The following PLCB4 variants were observed in gnomAD, a reference collection of about 807,000 sequenced individuals.
The protein encoded by PLCB4 is phospholipase C beta 4.
In PLCB4, 77 loss-of-function variants were observed where a neutral mutation model predicts 178.8. The observed-to-expected ratio is 0.43, with a 90% CI of 0.36 to 0.52. The LOEUF (loss-of-function observed/expected upper bound fraction) is 0.52, where lower values mean the gene tolerates loss of function less well. Among genes scored for constraint, PLCB4 ranks in the 20% least tolerant of loss-of-function variants. PLCB4 has a pLI of 0.00. For synonymous variants in PLCB4, 496 were observed against 490.8 expected, an observed-to-expected ratio of 1.01 and a Z score of -0.14; for missense variants, 1,024 against 1,453.4, an observed-to-expected ratio of 0.70 and a Z score of 4.80.
chr20:9,303,096 G>C (rs368054967), intron 3 of PLCB4, among the ~76,000 whole-genome samples: 1 of 152,060 alleles, frequency 6.6e-6, no homozygotes, highest in Non-Finnish European at 1.5e-5. Context: ...GCTCCCTGTA[G>C]TTGGTTATTA....
In PLCB4 at chr20:9,468,562, A is replaced by C; in HGVS notation, c.3249-9A>C. On this transcript the variant is annotated splice_polypyrimidine_tract_variant and intron_variant, in intron 35 of 39. Transcript: ENST00000378473. ...CCTCCCTGTTTGTTTTCTTGTTTTTAATACATAGGGAAAGCAAGGAAATGC... is the reference window on the plus strand; with the variant it reads ...CCTCCCTGTTTGTTTTCTTGTTTTTCATACATAGGGAAAGCAAGGAAATGC... 6.4e-7 allele frequency: 1 copy of C among 1,554,232 alleles called. No individual in the cohort carries two copies. Among genetic ancestry groups the C allele is most frequent in the Non-Finnish European group, 8.9e-7 (1 of 1,127,538 alleles).
At chr20:9,225,014 G>C (rs1437625612) in intron 3 of PLCB4, among the ~76,000 whole-genome samples, 1 of 152,144 alleles carries the variant, frequency 6.6e-6, no homozygotes, top group Non-Finnish European at 1.5e-5. Context: ...AGCTGTGTAA[G>C]AGTTTAGGTG....
chr20:9,230,951 G>A (rs1167403136), intron 3 of PLCB4, among the ~76,000 whole-genome samples: 2 of 152,114 alleles, frequency 1.3e-5, no homozygotes, highest in African/African-American at 4.8e-5. Context: ...TTATTTGACT[G>A]TCAAAGTCCC....
intron 4 of PLCB4, among the ~76,000 whole-genome samples, chr20:9,324,174 C>CAA (rs112627020): frequency 0.057 from 7,736 of 135,096 alleles, 273 homozygotes; most frequent in South Asian, 0.13. Context: ...GGTCCTGTCT[C>CAA]AAAAAAAAAA....
chr20:9,236,437 T>A (rs1049795247), intron 3 of PLCB4, among the ~76,000 whole-genome samples: 4 of 152,190 alleles, frequency 2.6e-5, no homozygotes, highest in Non-Finnish European at 4.4e-5. Context: ...TTTCCTTTTG[T>A]GTGCGTGTGT....
chr20:9,327,577 C>A (rs564297411), intron 4 of PLCB4, among the ~76,000 whole-genome samples: 3 of 151,922 alleles, frequency 2.0e-5, no homozygotes, highest in South Asian at 4.2e-4. Flanking sequence ...GAGATTGAGA[C>A]CATCCTGGCT....
intron 21 of PLCB4, among the ~76,000 whole-genome samples, chr20:9,406,743 C>T (rs2039469160): frequency 1.3e-5 from 2 of 152,164 alleles, no homozygotes; most frequent in East Asian, 1.9e-4. Flanking sequence ...GATCCACCCG[C>T]CTCAGCCTCC....
rs1323367736 is a variant in PLCB4 at position 9,458,194 on chromosome 20, C to T, written c.3072+705C>T. Among the ~76,000 whole-genome samples, 4 of 152,164 alleles carry T rather than the reference C, an allele frequency of 2.6e-5. No homozygotes were observed. In the East Asian group the frequency reaches 7.7e-4, roughly 29 times the overall value. On this transcript the variant is annotated intron_variant, in intron 34 of 39. Transcript: ENST00000378473. Reference sequence around the variant, plus strand: ...CTCATCTATCTATATGCAGCTGTGTCATCTGGCCTAATGGCCCTGCTGCAT... The same window carrying T: ...CTCATCTATCTATATGCAGCTGTGTTATCTGGCCTAATGGCCCTGCTGCAT...
At chr20:9,326,170 A>G (rs2030521628) in intron 4 of PLCB4, among the ~76,000 whole-genome samples, 1 of 152,114 alleles carries the variant, frequency 6.6e-6, no homozygotes, top group South Asian at 2.1e-4. Flanking sequence ...AAACATTCAG[A>G]CCATAGGACC....
At chr20:9,424,419 T>C (rs567824485) in intron 28 of PLCB4, among the ~76,000 whole-genome samples, 2 of 152,318 alleles carry the variant, frequency 1.3e-5, no homozygotes, top group Admixed American at 1.3e-4. Flanking sequence ...CCATATGCTT[T>C]AAGGTAATCA....
intron 25 of PLCB4, among the ~76,000 whole-genome samples, chr20:9,411,410 A>G (rs1294579887): frequency 1.3e-5 from 2 of 152,230 alleles, no homozygotes; most frequent in African/African-American, 4.8e-5. Context: ...TTGGACATTA[A>G]CTGGAGATGT....
chr20:9,401,407 A>G (rs2039014268), intron 19 of PLCB4, 83 bp from the exon 20 acceptor site: 3 of 879,788 alleles, frequency 3.4e-6, no homozygotes, highest in Non-Finnish European at 5.7e-6. Context: ...AAAAGTGCTT[A>G]TGTTCTACCC....
chr20:9,404,062 G>A (rs1156602718), intron 20 of PLCB4, among the ~76,000 whole-genome samples: 1 of 152,184 alleles, frequency 6.6e-6, no homozygotes, highest in Non-Finnish European at 1.5e-5. Flanking sequence ...GGCACCTGAG[G>A]AGTCAAGGGA....
intron 3 of PLCB4, among the ~76,000 whole-genome samples, chr20:9,238,416 G>A (rs1399477112): frequency 2.0e-5 from 3 of 151,822 alleles, no homozygotes; most frequent in African/African-American, 4.8e-5. Context: ...ACCCCCCCCC[G>A]AGGGACACCT....
intron 1 of PLCB4, among the ~76,000 whole-genome samples, chr20:9,094,001 T>C (rs1016654783): frequency 4.6e-5 from 7 of 152,114 alleles, no homozygotes; most frequent in African/African-American, 1.7e-4. Context: ...ATCTGATAAT[T>C]TATATCTGTG....
At chr20:9,284,161 A>T (rs1454511340) in intron 3 of PLCB4, among the ~76,000 whole-genome samples, 1 of 152,020 alleles carries the variant, frequency 6.6e-6, no homozygotes, top group East Asian at 1.9e-4. Flanking sequence ...AGGTAACAAG[A>T]AAGAGAGATC....
intron 2 of PLCB4, among the ~76,000 whole-genome samples, chr20:9,104,210 G>T (rs934843796): frequency 6.6e-6 from 1 of 152,166 alleles, no homozygotes; most frequent in Non-Finnish European, 1.5e-5. Context: ...TAAGAACTAG[G>T]GATTTCCGTC....
chr20:9,473,740 G>A (rs1055430868), intron 38 of PLCB4, among the ~76,000 whole-genome samples: 1 of 152,090 alleles, frequency 6.6e-6, no homozygotes, highest in East Asian at 1.9e-4. Flanking sequence ...AAGCAAATGA[G>A]AGAAACCACC....
At chr20:9,313,415 G>C (rs947125930) in intron 4 of PLCB4, among the ~76,000 whole-genome samples, 12 of 152,222 alleles carry the variant, frequency 7.9e-5, no homozygotes, top group African/African-American at 2.7e-4. Flanking sequence ...CTCTCAGCAA[G>C]AGGGAAGGTT....
Sources: allele counts gnomAD v4.1 joint callset (sites outside exome capture counted in the v4.1 genomes callset), GRCh38; gene constraint gnomAD v4.1.1; transcripts MANE v1.5; gene names NCBI Gene and HGNC (gene_info 2026-07-23, HGNC 2026-07-21).